The following KLHL29 variants were observed in gnomAD, a reference collection of about 807,000 sequenced individuals.
The protein encoded by KLHL29 is kelch like family member 29, also known as kelch-like protein 29.
In KLHL29, 21 loss-of-function variants were observed where a neutral mutation model predicts 80.4. The observed-to-expected ratio is 0.26, with a 90% CI of 0.19 to 0.38. The LOEUF (loss-of-function observed/expected upper bound fraction) is 0.38. Ranked by LOEUF, KLHL29 falls within the 10% of genes least tolerant of loss-of-function variation. KLHL29 has a pLI of 1.00. For synonymous variants in KLHL29, 511 were observed against 526.8 expected, an observed-to-expected ratio of 0.97 and a Z score of 0.41; for missense variants, 867 against 1,223.9, an observed-to-expected ratio of 0.71 and a Z score of 4.35.
intron 1 of KLHL29, among the ~76,000 whole-genome samples, chr2:23,453,515 A>G (rs1466492234): frequency 1.2e-4 from 19 of 152,174 alleles, no homozygotes; most frequent in Admixed American, 1.1e-3. Flanking sequence ...CCTTGAAGGA[A>G]CAACCTTGCT....
In KLHL29 at chr2:23,706,769, T is replaced by A; in HGVS notation, c.*105T>A. 1.4e-6 allele frequency: 1 copy of A among 730,354 alleles called. No homozygotes were observed. The highest frequency in any genetic ancestry group is 2.1e-6 in the Non-Finnish European group (1 of 469,280). 45.2% of individuals were successfully genotyped at this position (730,354 alleles called of 1,614,324 possible). A position where few individuals can be genotyped will look rare whatever the true frequency, so the allele number is the denominator to read the frequency against. ...CCAACAAGAGGCCAACAAAACACAATCAAGGAACTCACTGCGCTCAACATG... is the reference window on the plus strand; with the variant it reads ...CCAACAAGAGGCCAACAAAACACAAACAAGGAACTCACTGCGCTCAACATG... On this transcript the variant is annotated 3_prime_UTR_variant, in exon 14 of 14. Transcript: ENST00000486442.
intron 3 of KLHL29, among the ~76,000 whole-genome samples, chr2:23,636,292 A>G (rs1377047401): frequency 6.6e-6 from 1 of 152,080 alleles, no homozygotes; most frequent in African/African-American, 2.4e-5. Context: ...ATGTCATTGC[A>G]TTATTTTAAT....
intron 5 of KLHL29, among the ~76,000 whole-genome samples, chr2:23,676,057 A>C (rs909887121): frequency 1.3e-5 from 2 of 152,222 alleles, no homozygotes; most frequent in Non-Finnish European, 2.9e-5. Flanking sequence ...ACAGACAGAC[A>C]TTCCTCTGTA....
intron 1 of KLHL29, among the ~76,000 whole-genome samples, chr2:23,475,231 G>A (rs1315043886): frequency 1.3e-5 from 2 of 151,982 alleles, no homozygotes; most frequent in African/African-American, 4.8e-5. Flanking sequence ...GTTATTCAGT[G>A]TCAATGGCTC....
chr2:23,609,060 G>C (rs933469999), intron 3 of KLHL29, among the ~76,000 whole-genome samples: 2 of 152,146 alleles, frequency 1.3e-5, no homozygotes, highest in Admixed American at 1.3e-4. Context: ...GTTCTATTTT[G>C]TCTGTGATTC....
chr2:23,403,047 A>G lies in KLHL29; in HGVS notation c.-154+17267A>G, dbSNP rs558852606. 3.3e-5 allele frequency among the ~76,000 whole-genome samples: 5 copies of G among 151,968 alleles called. 1 individual carries two copies. The South Asian group carries it at 1.0e-3, about 31-fold the overall frequency. On this transcript the variant is annotated intron_variant, in intron 1 of 13. Transcript: ENST00000486442. Reference sequence around the variant, plus strand: ...TGTACACTATAATGTCAAGTATATGAAAACAAAGAACATAGATAAAAAGGC... The same window carrying G: ...TGTACACTATAATGTCAAGTATATGGAAACAAAGAACATAGATAAAAAGGC...
chr2:23,466,486 CA>C (rs1664357544), intron 1 of KLHL29, among the ~76,000 whole-genome samples: 1 of 152,144 alleles, frequency 6.6e-6, no homozygotes, highest in Non-Finnish European at 1.5e-5. Context: ...CACAGTCCCA[CA>C]TATAAAAGAA....
At chr2:23,637,427 G>C (rs1169455065) in intron 3 of KLHL29, among the ~76,000 whole-genome samples, 2 of 152,200 alleles carry the variant, frequency 1.3e-5, no homozygotes, top group Non-Finnish European at 1.5e-5. Context: ...CCCACAGATA[G>C]AAATGGGGCA....
chr2:23,657,815 G>A (rs1415685677), intron 5 of KLHL29, among the ~76,000 whole-genome samples: 1 of 152,202 alleles, frequency 6.6e-6, no homozygotes, highest in Non-Finnish European at 1.5e-5. Context: ...GTTGGTCACC[G>A]GGATGTATTT....
At chr2:23,533,387 G>C (rs1294530715) in intron 2 of KLHL29, among the ~76,000 whole-genome samples, 1 of 152,164 alleles carries the variant, frequency 6.6e-6, no homozygotes, top group Non-Finnish European at 1.5e-5. Flanking sequence ...AGCTGGGATG[G>C]TCTAAGCAGG....
At chr2:23,651,157 G>A (rs1221216352) in intron 5 of KLHL29, among the ~76,000 whole-genome samples, 1 of 152,152 alleles carries the variant, frequency 6.6e-6, no homozygotes, top group African/African-American at 2.4e-5. Context: ...TGAAATCGTT[G>A]TCATTGCCTG....
At chr2:23,674,557 C>T (rs1206453204) in intron 5 of KLHL29, among the ~76,000 whole-genome samples, 2 of 152,198 alleles carry the variant, frequency 1.3e-5, no homozygotes, top group Non-Finnish European at 2.9e-5. Context: ...AGCCAAGAAC[C>T]ACCCCATCTT....
At chr2:23,685,644 G>A (rs1006403202) in intron 6 of KLHL29, among the ~76,000 whole-genome samples, 2 of 152,220 alleles carry the variant, frequency 1.3e-5, no homozygotes, top group East Asian at 1.9e-4. Flanking sequence ...CCTCAGCCTC[G>A]CAGGAAGGGG....
chr2:23,564,604 A>T (rs1416930211), intron 3 of KLHL29, among the ~76,000 whole-genome samples: 4 of 152,198 alleles, frequency 2.6e-5, no homozygotes, highest in African/African-American at 9.6e-5. Context: ...TTTGGGCCAC[A>T]GTGCCTTCCC....
chr2:23,407,745 T>A (rs1666767750), intron 1 of KLHL29, among the ~76,000 whole-genome samples: 1 of 152,216 alleles, frequency 6.6e-6, no homozygotes, highest in Non-Finnish European at 1.5e-5. Context: ...TTTTGCAAAT[T>A]CAACTTTTTA....
chr2:23,499,597 G>A (rs1378276650), intron 2 of KLHL29, among the ~76,000 whole-genome samples: 2 of 152,224 alleles, frequency 1.3e-5, no homozygotes, highest in Non-Finnish European at 2.9e-5. Context: ...ATGAGGCTAA[G>A]GAGAAAAGGG....
chr2:23,601,562 G>A (rs907115793), intron 3 of KLHL29, among the ~76,000 whole-genome samples: 1 of 152,154 alleles, frequency 6.6e-6, no homozygotes, highest in Non-Finnish European at 1.5e-5. Context: ...ACCAGGCCAG[G>A]GTCTGTGAGA....
At chr2:23,583,147 C>G (rs2103510832) in intron 3 of KLHL29, among the ~76,000 whole-genome samples, 1 of 152,328 alleles carries the variant, frequency 6.6e-6, no homozygotes, top group East Asian at 1.9e-4. Flanking sequence ...GACAGCTTCA[C>G]TTCAGACTTC....
chr2:23,530,454 A>G (rs1432909196), intron 2 of KLHL29, among the ~76,000 whole-genome samples: 1 of 152,220 alleles, frequency 6.6e-6, no homozygotes, highest in Non-Finnish European at 1.5e-5. Flanking sequence ...AATTAGAGCC[A>G]TCTGCACGGT....
Sources: gnomAD v4.1 joint callset for allele counts (sites outside exome capture counted in the v4.1 genomes callset) on GRCh38, gnomAD v4.1.1 for gene constraint, MANE v1.5 for transcripts, NCBI Gene and HGNC (gene_info 2026-07-23, HGNC 2026-07-21) for gene names.